The following GNB1 variants were observed in gnomAD, a reference collection of about 807,000 sequenced individuals.
GNB1 encodes the protein guanine nucleotide-binding protein G(I)/G(S)/G(T) subunit beta-1.
GNB1 carries 2 observed loss-of-function variants against 42.9 expected under a neutral mutation model. The observed-to-expected ratio is 0.05, with a 90% confidence interval of 0.02 to 0.15. The LOEUF (loss-of-function observed/expected upper bound fraction) is 0.15, where lower values mean the gene tolerates loss of function less well. Ranked by LOEUF, GNB1 falls within the 10% of genes least tolerant of loss-of-function variation. The probability of loss-of-function intolerance (pLI) is 1.00; values close to 1 mark genes in which losing one functional copy is unlikely to be tolerated. For synonymous variants in GNB1, 183 were observed against 174.7 expected, an observed-to-expected ratio of 1.05 and a Z score of -0.38; for missense variants, 193 against 462.2, an observed-to-expected ratio of 0.42 and a Z score of 5.34.
chr1:1,869,414 G>A (rs2101754193), intron 1 of GNB1, among the ~76,000 whole-genome samples: 1 of 152,110 alleles, frequency 6.6e-6, no homozygotes, highest in East Asian at 1.9e-4. Context: ...TTAATTACAG[G>A]GTGGACCTCA....
intron 8 of GNB1, among the ~76,000 whole-genome samples, chr1:1,791,651 T>C (rs908680159): frequency 2.6e-5 from 4 of 152,180 alleles, no homozygotes; most frequent in Non-Finnish European, 5.9e-5. Context: ...CAGAGAGCAC[T>C]GTCCGTTCAT....
At chr1:1,796,517 T>C (rs1265418197) in intron 7 of GNB1, among the ~76,000 whole-genome samples, 1 of 152,234 alleles carries the variant, frequency 6.6e-6, no homozygotes, top group Non-Finnish European at 1.5e-5. Context: ...TCTGTGCACA[T>C]AAGAAGTTCT....
intron 7 of GNB1, chr1:1,793,654 G>A (rs1450709116): frequency 1.1e-5 from 2 of 177,902 alleles, no homozygotes; most frequent in Non-Finnish European, 2.4e-5. Flanking sequence ...TACTCATTCA[G>A]GGCACGCTGA....
At chr1:1,878,873 T>C (rs1649689695) in intron 1 of GNB1, among the ~76,000 whole-genome samples, 1 of 152,206 alleles carries the variant, frequency 6.6e-6, no homozygotes, top group South Asian at 2.1e-4. Context: ...TGGAACTCAC[T>C]GGCCCTCAGC....
intron 1 of GNB1, among the ~76,000 whole-genome samples, chr1:1,848,357 C>CAAAAAAAAAAAAAAAAAGA (rs1647791625): frequency 1.1e-5 from 1 of 94,360 alleles, no homozygotes; most frequent in African/African-American, 4.7e-5. Context: ...CCAGCCCAGG[C>CAAAAAAAAAAAAAAAAAGA]AAAAAAAAAA....
At chr1:1,813,844 T>G (rs554446561) in intron 5 of GNB1, among the ~76,000 whole-genome samples, 85 of 152,336 alleles carry the variant, frequency 5.6e-4, no homozygotes, top group African/African-American at 1.9e-3. Flanking sequence ...TATATGTATA[T>G]TTACGGAGTA....
intron 1 of GNB1, among the ~76,000 whole-genome samples, chr1:1,857,392 T>A (rs550814961): frequency 7.2e-5 from 11 of 152,162 alleles, no homozygotes; most frequent in Non-Finnish European, 1.6e-4. Flanking sequence ...TGTCATCTTG[T>A]ACAGGGTTCA....
At chr1:1,870,493 T>G (rs1488863204) in intron 1 of GNB1, among the ~76,000 whole-genome samples, 3 of 152,320 alleles carry the variant, frequency 2.0e-5, no homozygotes, top group South Asian at 2.1e-4. Context: ...CCCGTCTTGT[T>G]TAAAAATCAA....
Position 1,817,846 on chromosome 1 carries a change from A to G in GNB1, c.87T>C (p.Thr29=). ...RDARKACADA[T]LSQITNNIDP... ...CTCAGTGGGCTCTTACCTGAGAGAG[A>G]GTTGCATCTGCACATGCTTTCCTGG... The change falls in exon 4 of 12, where the codon ACT becomes ACC. Residue 29 remains threonine (T), a synonymous_variant. Transcript: ENST00000378609. 6.2e-7 allele frequency: 1 copy of G among 1,611,948 alleles called. No homozygotes were observed. Among genetic ancestry groups the G allele is most frequent in the Non-Finnish European group, 8.5e-7 (1 of 1,178,050 alleles).
intron 2 of GNB1, among the ~76,000 whole-genome samples, chr1:1,829,593 T>C (rs1647048392): frequency 6.6e-6 from 1 of 152,098 alleles, no homozygotes; most frequent in African/African-American, 2.4e-5. Flanking sequence ...GCAAACAACC[T>C]TCTGGTTCCC....
chr1:1,792,714 GA>G (rs896663460), intron 8 of GNB1, among the ~76,000 whole-genome samples: 243 of 132,518 alleles, frequency 1.8e-3, no homozygotes, highest in Non-Finnish European at 1.7e-3. Flanking sequence ...AAAAAAAAAA[GA>G]AAAAAATGTG....
chr1:1,819,100 C>A (rs1646896121), intron 3 of GNB1, among the ~76,000 whole-genome samples: 1 of 151,712 alleles, frequency 6.6e-6, no homozygotes, highest in South Asian at 2.1e-4. Flanking sequence ...AGAAAATAGA[C>A]CTGGAAATCT....
At chr1:1,804,371 C>A (rs748145024) in intron 7 of GNB1, 48 bp downstream of exon 7, 19 of 1,302,806 alleles carry the variant, frequency 1.5e-5, no homozygotes, top group Non-Finnish European at 2.0e-5. Flanking sequence ...TAATGTACCC[C>A]AGGTAAACAG....
intron 1 of GNB1, among the ~76,000 whole-genome samples, chr1:1,841,371 G>C (rs550081427): frequency 6.6e-6 from 1 of 152,228 alleles, no homozygotes; most frequent in Admixed American, 6.5e-5. Context: ...GTAGAGATGG[G>C]GTTTCACTAT....
chr1:1,789,324 G>T, intron 9 of GNB1, 55 bp from the exon 10 acceptor site: 1 of 992,176 alleles, frequency 1.0e-6, no homozygotes, highest in Non-Finnish European at 1.6e-6. Flanking sequence ...AGAAACATTG[G>T]GAATATGGAT....
Position 1,877,215 on chromosome 1 carries a change from G to A in GNB1, c.-96+13605C>T, listed in dbSNP as rs959671361. ...CTCAGGAGGCTGAGGCAGGAGAATC[G>A]CCTGAGCTGGGGAGGTGGAGGTTTC... On this transcript the variant is annotated intron_variant, in intron 1 of 11. Transcript: ENST00000378609. 4.0e-5 allele frequency among the ~76,000 whole-genome samples: 6 copies of A among 150,904 alleles called. No individual in the cohort carries two copies. The South Asian group carries it at 1.0e-3, about 26-fold the overall frequency.
chr1:1,846,023 A>T (rs1647643710), intron 1 of GNB1, among the ~76,000 whole-genome samples: 1 of 151,972 alleles, frequency 6.6e-6, no homozygotes, highest in African/African-American at 2.4e-5. Flanking sequence ...CTGGCACAGG[A>T]ACCCTCTTGC....
At chr1:1,861,073 C>T (rs926374966) in intron 1 of GNB1, among the ~76,000 whole-genome samples, 2 of 146,912 alleles carry the variant, frequency 1.4e-5, no homozygotes, top group Non-Finnish European at 3.0e-5. Flanking sequence ...CTGCCACTTG[C>T]ACTCCAGCCT....
chr1:1,834,582 T>C (rs1647119430), intron 2 of GNB1, among the ~76,000 whole-genome samples: 1 of 151,518 alleles, frequency 6.6e-6, no homozygotes, highest in South Asian at 2.1e-4. Flanking sequence ...ATGGCATCCA[T>C]CCAGAAGACG....
Sources: gnomAD v4.1 joint callset for allele counts (sites outside exome capture counted in the v4.1 genomes callset) on GRCh38, gnomAD v4.1.1 for gene constraint, MANE v1.5 for transcripts, NCBI Gene and HGNC (gene_info 2026-07-23, HGNC 2026-07-21) for gene names.